Variants in CNTNAP2 observed in about 807,000 individuals in gnomAD.
CNTNAP2 encodes contactin associated protein 2, also known as contactin-associated protein-like 2.
A neutral mutation model predicts 155.2 loss-of-function variants in CNTNAP2; 98 were observed. The ratio of observed to expected loss-of-function variants is 0.63; its 90% CI spans 0.54 to 0.75. The LOEUF (loss-of-function observed/expected upper bound fraction) is 0.75, where lower values mean the gene tolerates loss of function less well. CNTNAP2 is among the 30% of genes least tolerant of loss of function. The pLI is 0.00. For synonymous variants in CNTNAP2, 651 were observed against 631.2 expected (o/e 1.03, Z -0.47); for missense variants, 1,727 against 1,688.1 (o/e 1.02, Z -0.40).
intron 13 of CNTNAP2, among the ~76,000 whole-genome samples, chr7:147,895,702 C>T (rs1799765213): frequency 6.6e-6 from 1 of 152,140 alleles, no homozygotes; most frequent in South Asian, 2.1e-4. Context: ...TCCCCAAAGC[C>T]AATTAACAGG....
chr7:147,364,320 T>C (rs1384800654), intron 9 of CNTNAP2, among the ~76,000 whole-genome samples: 1 of 152,196 alleles, frequency 6.6e-6, no homozygotes, highest in Non-Finnish European at 1.5e-5. Flanking sequence ...ACTGAACACT[T>C]AGAAAATTAT....
chr7:147,067,395 G>C (rs1472998721), intron 4 of CNTNAP2, among the ~76,000 whole-genome samples: 1 of 152,022 alleles, frequency 6.6e-6, no homozygotes, highest in Non-Finnish European at 1.5e-5. Flanking sequence ...TGTTTTATTG[G>C]GGGTCAGATT....
In CNTNAP2 at chr7:147,976,076, T is replaced by C. The variant is rs546705790; in HGVS notation, c.2256-1786T>C. ...AAACTTTTTTATGAACACTGAATTT[T>C]ATAGCATCACAAAATATTTTTTCAT... On this transcript the variant is annotated intron_variant, in intron 14 of 23. Coordinates refer to ENST00000361727, the MANE Select transcript of CNTNAP2 (RefSeq NM_014141.6). 1.1e-3 allele frequency among the ~76,000 whole-genome samples: 161 copies of C among 152,348 alleles called. 1 individual carries two copies. Among genetic ancestry groups the C allele is most frequent in the African/African-American group, 3.8e-3 (156 of 41,578 alleles).
intron 9 of CNTNAP2, among the ~76,000 whole-genome samples, chr7:147,370,716 G>A (rs1487115522): frequency 3.3e-5 from 5 of 152,098 alleles, no homozygotes; most frequent in Non-Finnish European, 7.4e-5. Flanking sequence ...AGATGACTCA[G>A]TAGACTTCCT....
At chr7:147,921,101 G>A (rs531047314) in intron 14 of CNTNAP2, among the ~76,000 whole-genome samples, 2 of 151,596 alleles carry the variant, frequency 1.3e-5, no homozygotes, top group South Asian at 2.1e-4. Flanking sequence ...GAGCCACCAC[G>A]CCCTGCCTCC....
rs1373391255 is a variant in CNTNAP2, at chr7:146,502,336, C to T, written c.98-271935C>T. On this transcript the variant is annotated intron_variant, in intron 1 of 23. Coordinates refer to ENST00000361727, the MANE Select transcript of CNTNAP2 (RefSeq NM_014141.6). ...TATATTTTGGCTATTGTGAATAGTG[C>T]CGCAATGAACACAGGAGTTCAGGTA... is the stretch of plus-strand genomic sequence containing the variant. Among the ~76,000 whole-genome samples the T allele has an allele frequency of 6.8e-5, 10 of 146,994 alleles. No homozygotes were observed. The Admixed American group carries it at 6.9e-4, about 10-fold the overall frequency.
chr7:146,459,642 C>A (rs73462742), intron 1 of CNTNAP2, among the ~76,000 whole-genome samples: 1 of 151,968 alleles, frequency 6.6e-6, no homozygotes, highest in African/African-American at 2.4e-5. Context: ...AAGGGAAGGA[C>A]GCACAAAAAG....
Position 147,903,567 on chromosome 7 carries a change from G to A in CNTNAP2, c.2101G>A (p.Gly701Arg). The change falls in exon 14 of 24, where the codon GGA becomes AGA. Residue 701 changes from glycine to arginine, a missense_variant and splice_region_variant. Physicochemically the swap from Gly to Arg is moderately radical, Grantham distance 125 (BLOSUM62 -2). Transcript: ENST00000361727. ...TATACCTTTGCCTTTTCTTGTAGAT[G>A]GAAGCCCTTACACTTGGTGGGTTGG... ...KMSRLLNTPDGSPYTWWVGKA... is the reference protein window; with the variant it reads ...KMSRLLNTPDRSPYTWWVGKA... 6.2e-7 allele frequency: 1 copy of A among 1,614,164 alleles called. No homozygotes were observed. Among genetic ancestry groups the A allele is most frequent in the Non-Finnish European group, 8.5e-7 (1 of 1,180,030 alleles).
At chr7:147,688,614 A>C (rs1316953544) in intron 13 of CNTNAP2, among the ~76,000 whole-genome samples, 2 of 152,122 alleles carry the variant, frequency 1.3e-5, no homozygotes, top group Admixed American at 1.3e-4. Flanking sequence ...ATGGAAATGG[A>C]AGAGAGGAGA....
intron 14 of CNTNAP2, among the ~76,000 whole-genome samples, chr7:147,952,263 A>T (rs71534743): frequency 0.26 from 5,199 of 19,742 alleles, 1,696 homozygotes; most frequent in East Asian, 0.58. Context: ...AACAACACGG[A>T]GAAACCCCAT....
intron 15 of CNTNAP2, among the ~76,000 whole-genome samples, chr7:148,108,253 C>G (rs1804266190): frequency 6.6e-6 from 1 of 152,120 alleles, no homozygotes; most frequent in Admixed American, 6.6e-5. Flanking sequence ...CAGGTCCCTC[C>G]TCCTTTCATC....
At chr7:147,758,291 A>G (rs1797247423) in intron 13 of CNTNAP2, among the ~76,000 whole-genome samples, 1 of 152,214 alleles carries the variant, frequency 6.6e-6, no homozygotes. Flanking sequence ...TATCTCACCG[A>G]AAATGTATCT....
At chr7:146,717,309 C>T (rs1801206474) in intron 1 of CNTNAP2, among the ~76,000 whole-genome samples, 1 of 150,738 alleles carries the variant, frequency 6.6e-6, no homozygotes, top group Non-Finnish European at 1.5e-5. Flanking sequence ...TCAAGACCAG[C>T]CTGGCCAACA....
intron 21 of CNTNAP2, among the ~76,000 whole-genome samples, chr7:148,366,874 G>A (rs933255678): frequency 6.6e-6 from 1 of 151,968 alleles, no homozygotes; most frequent in Non-Finnish European, 1.5e-5. Context: ...CAAATCCAGG[G>A]CTACTTCCAG....
chr7:147,657,958 CTT>C (rs1417227390), intron 13 of CNTNAP2, among the ~76,000 whole-genome samples: 3 of 152,102 alleles, frequency 2.0e-5, no homozygotes, highest in Non-Finnish European at 2.9e-5. Context: ...AACGCTGTCT[CTT>C]AAGATAGCCG....
chr7:147,160,688 A>G (rs1280387891), intron 8 of CNTNAP2, among the ~76,000 whole-genome samples: 5 of 152,298 alleles, frequency 3.3e-5, no homozygotes, highest in African/African-American at 1.2e-4. Context: ...TTTAGAGGCA[A>G]CTAAATCTTA....
chr7:147,928,032 T>C (rs1800429640), intron 14 of CNTNAP2, among the ~76,000 whole-genome samples: 1 of 152,228 alleles, frequency 6.6e-6, no homozygotes, highest in Non-Finnish European at 1.5e-5. Context: ...GTTTTTCCCA[T>C]ACTGTCCTCA....
intron 13 of CNTNAP2, among the ~76,000 whole-genome samples, chr7:147,683,195 C>A (rs1365698073): frequency 2.0e-5 from 3 of 151,846 alleles, no homozygotes; most frequent in African/African-American, 7.2e-5. Flanking sequence ...CACCTGTACT[C>A]TGTGTATTTG....
chr7:148,305,179 C>T (rs1337753179), intron 21 of CNTNAP2, among the ~76,000 whole-genome samples: 1 of 122,888 alleles, frequency 8.1e-6, no homozygotes, highest in Non-Finnish European at 1.6e-5. Flanking sequence ...GCTATGATAG[C>T]AACACTGCAC....
Sources: gnomAD v4.1 joint callset for allele counts (sites outside exome capture counted in the v4.1 genomes callset) on GRCh38, gnomAD v4.1.1 for gene constraint, MANE v1.5 for transcripts, NCBI Gene and HGNC (gene_info 2026-07-23, HGNC 2026-07-21) for gene names.